Variants in CCNH observed in about 807,000 individuals in gnomAD.
CCNH encodes cyclin-H.
Under a neutral mutation model 41.9 loss-of-function variants are expected in CCNH, and 31 were observed. That is an observed-to-expected ratio of 0.74 (90% CI 0.56 to 1.00). The LOEUF (loss-of-function observed/expected upper bound fraction) is 1.00. Ranked by LOEUF, CCNH falls within the 50% of genes least tolerant of loss-of-function variation. The pLI is 0.00. For missense variants in CCNH, 362 were observed against 388.4 expected, an observed-to-expected ratio of 0.93 and a Z score of 0.57; for synonymous variants, 138 against 136.1, an observed-to-expected ratio of 1.01 and a Z score of -0.10.
rs1363178393 is a variant in CCNH, at chr5:87,352,785, T to A, written c.*91-33888A>T. Among the ~76,000 whole-genome samples, 3 of 151,762 alleles carry A rather than the reference T, an allele frequency of 2.0e-5. No individual in the cohort carries two copies. In the East Asian group the frequency reaches 5.8e-4, roughly 29 times the overall value. On this transcript the variant is annotated intron_variant and NMD_transcript_variant, in intron 9 of 9. Transcript: ENST00000645953. Reference sequence around the variant, plus strand: ...AACTCTGCTTCCTAAATAAATGCCATGTTTCTGTGAATTCTTCATTCTTAG... The same window carrying A: ...AACTCTGCTTCCTAAATAAATGCCAAGTTTCTGTGAATTCTTCATTCTTAG...
chr5:87,405,235 T>G (rs1012545447), intron 4 of CCNH, among the ~76,000 whole-genome samples: 23 of 152,192 alleles, frequency 1.5e-4, no homozygotes, highest in African/African-American at 5.6e-4. Context: ...CCATTGAGTC[T>G]AAAGTAGGGC....
At chr5:87,355,343 C>T (rs2112437279) in intron 9 of CCNH, among the ~76,000 whole-genome samples, 1 of 152,274 alleles carries the variant, frequency 6.6e-6, no homozygotes, top group Admixed American at 6.5e-5. Flanking sequence ...GTTGACTATT[C>T]TGAAAATCCT....
chr5:87,382,905 G>C (rs1030536738), intron 9 of CCNH, among the ~76,000 whole-genome samples: 1 of 151,266 alleles, frequency 6.6e-6, no homozygotes, highest in Non-Finnish European at 1.5e-5. Context: ...ACCGTAGCGA[G>C]ACTCTGCTTT....
rs946031556 is a variant in CCNH, at chr5:87,407,876, T to C, written c.525+100A>G. On this transcript the variant is annotated intron_variant, in intron 4 of 8. Coordinates refer to ENST00000256897, the MANE Select transcript of CCNH (RefSeq NM_001239.4). ...CCAGACCCACAGGTTGTATCCATGCTATAACAACGAGGATGATTATGAGTT... is the reference window on the plus strand; with the variant it reads ...CCAGACCCACAGGTTGTATCCATGCCATAACAACGAGGATGATTATGAGTT... 4 of 863,278 alleles carry C rather than the reference T, an allele frequency of 4.6e-6. No individual in the cohort carries two copies. In the African/African-American group the frequency reaches 5.0e-5, roughly 11 times the overall value. The allele number at this position is 863,278 out of a possible 1,614,324, so 53.5% of individuals were successfully genotyped here.
intron 9 of CCNH, among the ~76,000 whole-genome samples, chr5:87,338,393 G>A (rs986955789): frequency 2.0e-5 from 3 of 149,518 alleles, no homozygotes; most frequent in Admixed American, 6.7e-5. Flanking sequence ...GTGCAGTGGC[G>A]TGATCTCGGC....
chr5:87,346,515 T>A (rs1758871257), intron 9 of CCNH, among the ~76,000 whole-genome samples: 1 of 151,960 alleles, frequency 6.6e-6, no homozygotes, highest in East Asian at 1.9e-4. Context: ...AATATGTATA[T>A]AAAATGTATT....
Position 87,362,426 on chromosome 5 carries a change from A to G in CCNH, c.*90+30344T>C, listed in dbSNP as rs557633815. 7.3e-5 allele frequency: 63 copies of G among 867,646 alleles called. 1 individual carries two copies. The South Asian group carries it at 1.0e-3, about 14-fold the overall frequency. The allele number at this position is 867,646 out of a possible 1,614,324, so 53.7% of individuals were successfully genotyped here. On this transcript the variant is annotated intron_variant and NMD_transcript_variant, in intron 9 of 9. Coordinates refer to the CCNH transcript ENST00000645953. Reference sequence around the variant, plus strand: ...TTCTTTGGAAAGCAAAAGATCATTTATGTGTTATGTGTATCTAGATTTTAG... The same window carrying G: ...TTCTTTGGAAAGCAAAAGATCATTTGTGTGTTATGTGTATCTAGATTTTAG...
chr5:87,371,562 T>C (rs1025801614), downstream of CCNH, among the ~76,000 whole-genome samples: 1 of 152,160 alleles, frequency 6.6e-6, no homozygotes, highest in Non-Finnish European at 1.5e-5. Flanking sequence ...AAATGATTTT[T>C]AAAATCTAAT....
At chr5:87,346,237 C>T (rs1758850323) in intron 9 of CCNH, among the ~76,000 whole-genome samples, 1 of 151,906 alleles carries the variant, frequency 6.6e-6, no homozygotes, top group South Asian at 2.1e-4. Flanking sequence ...AAGTAAGAGT[C>T]AATATCTTGA....
At chr5:87,348,026 A>G (rs147657420) in intron 9 of CCNH, among the ~76,000 whole-genome samples, 1 of 152,166 alleles carries the variant, frequency 6.6e-6, no homozygotes, top group East Asian at 1.9e-4. Context: ...ACAAATAAGC[A>G]CTTGCATGCA....
At chr5:87,394,852 T>G in intron 8 of CCNH, 192 bp downstream of exon 8, 14 of 1,375,590 alleles carry the variant, frequency 1.0e-5, no homozygotes, top group Non-Finnish European at 1.3e-5. Context: ...GATTCTTCAT[T>G]AAATAAAGAC....
At chr5:87,318,410 C>A, downstream of CCNH, 1 of 152,244 alleles carries the variant, frequency 6.6e-6, no homozygotes, top group Non-Finnish European at 1.5e-5. Context: ...CTACCTGAGA[C>A]TGGGTAGTTT....
upstream of CCNH, chr5:87,378,634 A>T (rs1761487958): frequency 1.5e-6 from 2 of 1,297,876 alleles, no homozygotes; most frequent in Admixed American, 4.1e-5. Flanking sequence ...AATATATTAA[A>T]TTTCTAAAAT....
At chr5:87,350,082 C>A (rs1030405063) in intron 9 of CCNH, among the ~76,000 whole-genome samples, 1 of 151,788 alleles carries the variant, frequency 6.6e-6, no homozygotes, top group Admixed American at 6.6e-5. Flanking sequence ...AGTACCACAG[C>A]AGTATTCTCT....
chr5:87,321,209 A>T (rs1446016826), intron 9 of CCNH, among the ~76,000 whole-genome samples: 2 of 152,190 alleles, frequency 1.3e-5, no homozygotes, highest in Non-Finnish European at 2.9e-5. Flanking sequence ...CTAGGAAGAT[A>T]AGAAGTGTTT....
intron 6 of CCNH, among the ~76,000 whole-genome samples, chr5:87,400,890 TAAGTA>T (rs1261606285): frequency 7.2e-5 from 11 of 152,136 alleles, no homozygotes; most frequent in African/African-American, 9.7e-5. Context: ...ATCCAGCCAA[TAAGTA>T]AAGTAGAGAT....
At chr5:87,320,494 C>G (rs1580253183) in intron 9 of CCNH, among the ~76,000 whole-genome samples, 1 of 152,206 alleles carries the variant, frequency 6.6e-6, no homozygotes, top group East Asian at 1.9e-4. Context: ...GACTTACAAT[C>G]ATGGCAGAAG....
rs3093798 is a variant in CCNH, at chr5:87,406,452, T to C, written c.526-1445A>G. ...CATCTCTATATGCAATCAATCCTCATGTTCTATTGATTCTACCTAACTACA... is the reference window on the plus strand; with the variant it reads ...CATCTCTATATGCAATCAATCCTCACGTTCTATTGATTCTACCTAACTACA... On this transcript the variant is annotated intron_variant, in intron 4 of 8. Coordinates refer to ENST00000256897, the MANE Select transcript of CCNH (RefSeq NM_001239.4). Among the ~76,000 whole-genome samples, 1,062 of 152,262 alleles carry C rather than the reference T, an allele frequency of 7.0e-3. 5 individuals are homozygous for C. Among genetic ancestry groups the C allele is most frequent in the African/African-American group, 0.016 (677 of 41,558 alleles).
chr5:87,363,294 T>A (rs1237311522), intron 9 of CCNH: 2 of 1,424,192 alleles, frequency 1.4e-6, no homozygotes. Context: ...TTTAATAATA[T>A]GTAGGATTTC....
Sources: allele counts gnomAD v4.1 joint callset (sites outside exome capture counted in the v4.1 genomes callset), GRCh38; gene constraint gnomAD v4.1.1; transcripts MANE v1.5; gene names NCBI Gene and HGNC (gene_info 2026-07-23, HGNC 2026-07-21).